Variants in TPH2 observed in about 807,000 individuals in gnomAD.
The protein encoded by TPH2 is tryptophan 5-hydroxylase 2.
A neutral mutation model predicts 59.1 loss-of-function variants in TPH2; 27 were observed. That is an observed-to-expected ratio of 0.46 (90% CI 0.34 to 0.63). TPH2 has a LOEUF of 0.63. Ranked by LOEUF, TPH2 falls within the 30% of genes least tolerant of loss-of-function variation. TPH2 has a pLI of 0.01. For missense variants in TPH2, 523 were observed against 588.3 expected, an observed-to-expected ratio of 0.89 and a Z score of 1.15; for synonymous variants, 220 against 210.5, an observed-to-expected ratio of 1.05 and a Z score of -0.39.
intron 5 of TPH2, among the ~76,000 whole-genome samples, chr12:71,966,558 GA>G (rs756563666): frequency 1.6e-4 from 25 of 152,274 alleles, no homozygotes; most frequent in Admixed American, 1.3e-4. Flanking sequence ...AACATCTCTT[GA>G]ATAAGTGAGG....
chr12:72,026,137 T>C (rs1566173571), intron 9 of TPH2, among the ~76,000 whole-genome samples: 2 of 152,124 alleles, frequency 1.3e-5, no homozygotes, highest in African/African-American at 4.8e-5. Flanking sequence ...CAAAAGGCAA[T>C]TTCTACTCCT....
intron 1 of TPH2, among the ~76,000 whole-genome samples, chr12:71,940,611 C>G (rs925101524): frequency 2.0e-5 from 3 of 152,126 alleles, no homozygotes; most frequent in African/African-American, 7.2e-5. Context: ...ATAAAACAGA[C>G]CACATAATTT....
At position 72,012,443 on chromosome 12, in the gene TPH2, C is replaced by G. The variant is rs139755319; in HGVS notation, c.1069-9956C>G. On this transcript the variant is annotated intron_variant, in intron 8 of 10. Transcript: ENST00000333850. ...AGGCCCAGGTGGAATCTGCAAAGAG[C>G]AGGATCAGTCTGTGCAATTGCCACT... Among the ~76,000 whole-genome samples, 906 of 152,284 alleles carry G rather than the reference C, an allele frequency of 5.9e-3. 14 individuals carry two copies. The highest frequency in any genetic ancestry group is 0.021 in the African/African-American group (886 of 41,548).
At chr12:71,961,570 C>T in intron 5 of TPH2, 2 of 1,352,090 alleles carry the variant, frequency 1.5e-6, no homozygotes, top group Non-Finnish European at 2.0e-6. Flanking sequence ...AGACTGTTAG[C>T]TGCTATTGGC....
At chr12:71,957,657 T>C (rs1871548761) in intron 5 of TPH2, among the ~76,000 whole-genome samples, 3 of 152,146 alleles carry the variant, frequency 2.0e-5, no homozygotes, top group African/African-American at 7.2e-5. Flanking sequence ...TAAGGAGTAA[T>C]TGAATTAAGG....
At chr12:71,961,362 G>A (rs1056997103) in intron 5 of TPH2, among the ~76,000 whole-genome samples, 1 of 152,192 alleles carries the variant, frequency 6.6e-6, no homozygotes, top group African/African-American at 2.4e-5. Context: ...AGTGAAATGG[G>A]TGGGTGAATA....
At chr12:71,944,940 G>A (rs1871162261) in intron 4 of TPH2, among the ~76,000 whole-genome samples, 1 of 152,160 alleles carries the variant, frequency 6.6e-6, no homozygotes, top group Non-Finnish European at 1.5e-5. Flanking sequence ...CTAAACCTTG[G>A]AGAATATTTC....
At chr12:71,965,658 T>G (rs576962324) in intron 5 of TPH2, among the ~76,000 whole-genome samples, 1 of 152,338 alleles carries the variant, frequency 6.6e-6, no homozygotes, top group African/African-American at 2.4e-5. Context: ...CTGCAATTAC[T>G]TTTGCACCAA....
intron 6 of TPH2, 102 bp from the exon 7 acceptor site, chr12:71,978,850 A>G (rs1872192217): frequency 1.4e-6 from 2 of 1,447,484 alleles, no homozygotes; most frequent in Admixed American, 1.7e-5. Flanking sequence ...GACCTTGATT[A>G]CTTTGTTTCT....
rs570690617 is a variant in TPH2, at chr12:71,959,393, G to A, written c.608+9738G>A. On this transcript the variant is annotated intron_variant, in intron 5 of 10. Transcript: ENST00000333850. ...GCTGTTTTGCTGCCCTGCTTCTCGC[G>A]TCCTAGTGCTCAGTACTGTGCGCAC... Among the ~76,000 whole-genome samples the A allele has an allele frequency of 1.2e-3, 176 of 152,276 alleles. 3 individuals are homozygous for A. The highest frequency in any genetic ancestry group is 3.7e-3 in the African/African-American group (155 of 41,560).
rs113890676 is a variant in TPH2 at position 71,957,373 on chromosome 12, G to A, written c.608+7718G>A. ...TTTTGTGAGACAGGATCTCGCTCTG[G>A]TCACCCAGGCTGGAGTGCAGTGTCA... On this transcript the variant is annotated intron_variant, in intron 5 of 10. Transcript: ENST00000333850. Among the ~76,000 whole-genome samples, 123 of 136,762 alleles carry A rather than the reference G, an allele frequency of 9.0e-4. 2 individuals are homozygous for A. In the East Asian group the frequency reaches 0.014, roughly 16 times the overall value. 89.7% of individuals were successfully genotyped at this position (136,762 alleles called of 152,430 possible). A position where few individuals can be genotyped will look rare whatever the true frequency, so the allele number is the denominator to read the frequency against.
At chr12:72,002,609 A>G (rs1872854139) in intron 8 of TPH2, among the ~76,000 whole-genome samples, 1 of 152,220 alleles carries the variant, frequency 6.6e-6, no homozygotes, top group African/African-American at 2.4e-5. Flanking sequence ...TTATACGGTC[A>G]CAGTGGTCTC....
chr12:72,020,567 C>A (rs963035830), intron 8 of TPH2, among the ~76,000 whole-genome samples: 1 of 152,138 alleles, frequency 6.6e-6, no homozygotes, highest in Non-Finnish European at 1.5e-5. Flanking sequence ...CAGCTCACTG[C>A]AACTTCCGTC....
intron 7 of TPH2, among the ~76,000 whole-genome samples, chr12:71,990,255 A>C (rs1422111840): frequency 6.6e-6 from 1 of 152,216 alleles, no homozygotes; most frequent in African/African-American, 2.4e-5. Context: ...TTAGATACTC[A>C]GGGGTTCGGC....
In TPH2 at chr12:71,989,934, T is replaced by G. The variant is rs1237492382; in HGVS notation, c.942-4505T>G. Among the ~76,000 whole-genome samples the G allele has an allele frequency of 2.8e-5, 4 of 144,276 alleles. No individual in the cohort carries two copies. In the East Asian group the frequency reaches 8.4e-4, roughly 30 times the overall value. The allele number at this position is 144,276 out of a possible 152,430, so 94.7% of individuals were successfully genotyped here. ...TTTAGAGCAGCAAAAGTTTAGTGTC[T>G]GATATCAGCTCTTGGTTTTTTTTTT... On this transcript the variant is annotated intron_variant, in intron 7 of 10. Coordinates refer to ENST00000333850, the MANE Select transcript of TPH2 (RefSeq NM_173353.4).
At chr12:72,019,216 C>T (rs138679260) in intron 8 of TPH2, among the ~76,000 whole-genome samples, 17 of 152,304 alleles carry the variant, frequency 1.1e-4, no homozygotes, top group East Asian at 3.9e-4. Context: ...AAGTCATACT[C>T]GTGTTCACTC....
chr12:71,977,038 C>G (rs867537250), intron 6 of TPH2, among the ~76,000 whole-genome samples: 8 of 152,104 alleles, frequency 5.3e-5, no homozygotes, highest in Middle Eastern at 3.4e-3. Context: ...ATGAATAAGT[C>G]TAGAGGTCTT....
At chr12:71,977,078 G>C (rs770850780) in intron 6 of TPH2, among the ~76,000 whole-genome samples, 2 of 152,132 alleles carry the variant, frequency 1.3e-5, no homozygotes, top group Non-Finnish European at 2.9e-5. Flanking sequence ...TTAGATAAGA[G>C]TCTTGCTCTG....
chr12:71,976,155 C>T (rs887230701), intron 6 of TPH2, among the ~76,000 whole-genome samples: 2 of 152,178 alleles, frequency 1.3e-5, no homozygotes, highest in Non-Finnish European at 1.5e-5. Context: ...TCTGTTTCCT[C>T]CTCTGTCAAT....
Sources: gnomAD v4.1 joint callset for allele counts (sites outside exome capture counted in the v4.1 genomes callset) on GRCh38, gnomAD v4.1.1 for gene constraint, MANE v1.5 for transcripts, NCBI Gene and HGNC (gene_info 2026-07-23, HGNC 2026-07-21) for gene names.